Variants in DNAH8 observed in about 807,000 individuals in gnomAD.
The protein encoded by DNAH8 is axonemal beta dynein heavy chain 8.
Under a neutral mutation model 562.1 loss-of-function variants are expected in DNAH8, and 382 were observed. The ratio of observed to expected loss-of-function variants is 0.68; its 90% CI spans 0.63 to 0.74. DNAH8 has a LOEUF of 0.74. Ranked by LOEUF, DNAH8 falls within the 30% of genes least tolerant of loss-of-function variation. DNAH8 has a pLI of 0.00. For missense variants in DNAH8, 5,203 were observed against 5,620.4 expected, an observed-to-expected ratio of 0.93 and a Z score of 2.37; for synonymous variants, 1,881 against 1,919.4, an observed-to-expected ratio of 0.98 and a Z score of 0.52.
At chr6:38,827,868 AG>A (rs1315788886) in intron 29 of DNAH8, among the ~76,000 whole-genome samples, 2 of 147,072 alleles carry the variant, frequency 1.4e-5, no homozygotes, top group African/African-American at 5.0e-5. Context: ...TTCCTTGTAT[AG>A]TCAACCCCTG....
chr6:39,001,792 G>A (rs1765502747), intron 88 of DNAH8, among the ~76,000 whole-genome samples: 1 of 152,152 alleles, frequency 6.6e-6, no homozygotes, highest in Non-Finnish European at 1.5e-5. Context: ...AACTTACCTT[G>A]GAACAGTGGT....
At chr6:38,879,136 T>G (rs1156962123) in intron 53 of DNAH8, among the ~76,000 whole-genome samples, 1 of 152,160 alleles carries the variant, frequency 6.6e-6, no homozygotes, top group Non-Finnish European at 1.5e-5. Context: ...GATGATTTTA[T>G]TGGTGAATTC....
chr6:39,009,264 A>T (rs552608721), intron 89 of DNAH8, among the ~76,000 whole-genome samples: 3 of 151,636 alleles, frequency 2.0e-5, no homozygotes, highest in Admixed American at 2.0e-4. Context: ...ACGGTGACCC[A>T]TTTATATATC....
At position 39,008,830 on chromosome 6, in the gene DNAH8, G is replaced by T. The variant is rs976348584; in HGVS notation, c.13231G>T (p.Ala4411Ser). The change falls in exon 89 of 93, where the codon GCT (alanine) becomes TCT (serine). Residue 4411 changes from alanine to serine, a missense_variant. Ala to Ser is a moderately conservative substitution (Grantham distance 99, BLOSUM62 1). This residue lies in a region of DNAH8 where 1,399 missense variants were observed against 1,518.4 expected (regional missense o/e 0.92). Transcript: ENST00000327475. ...NADITYQSNT[A>S]SAVLETITNI... The stretch of plus-strand genomic sequence containing the variant: ...TTTTACTAGGTATCAGAGTAACACT[G>T]CTTCTGCTGTTCTTGAAACAATTAC... The T allele has an allele frequency of 6.2e-7, 1 of 1,606,546 alleles. No individual in the cohort carries two copies.
At position 39,026,584 on chromosome 6, in the gene DNAH8, C is replaced by A; in HGVS notation, c.13753C>A (p.His4585Asn). ...AATGAGGCAAGAAGTGACCCGTGCC[C>A]ACAAAGGCTGGGCACTGGACACTGT... ...TAMRQEVTRA[H>N]KGWALDTVTI... The change falls in exon 92 of 93, where the codon CAC becomes AAC. Residue 4585 changes from histidine (H) to asparagine (N), a missense_variant. Around this residue, in one of 6 missense-constraint regions of DNAH8, gnomAD observed 1,399 missense variants for 1,518.4 expected, o/e 0.92. Transcript: ENST00000327475. 1 of 1,613,410 alleles carries A rather than the reference C, an allele frequency of 6.2e-7. No individual in the cohort carries two copies. The highest frequency in any genetic ancestry group is 8.5e-7 in the Non-Finnish European group (1 of 1,179,840).
chr6:38,921,643 C>T, intron 71 of DNAH8, 137 bp downstream of exon 71: 1 of 999,308 alleles, frequency 1.0e-6, no homozygotes, highest in Non-Finnish European at 1.4e-6. Context: ...ATCTTTGGTG[C>T]TCAAAATTAT....
At chr6:38,960,516 GA>G (rs1393079405) in intron 82 of DNAH8, among the ~76,000 whole-genome samples, 1 of 151,170 alleles carries the variant, frequency 6.6e-6, no homozygotes, top group East Asian at 1.9e-4. Context: ...AAAGATATAT[GA>G]AAAAGGCTGA....
chr6:38,785,730 G>A (rs1247942438), intron 17 of DNAH8, among the ~76,000 whole-genome samples: 2 of 151,936 alleles, frequency 1.3e-5, no homozygotes, highest in Non-Finnish European at 2.9e-5. Flanking sequence ...AGAACATGCA[G>A]TGCTTGGTTT....
At chr6:38,930,587 G>A (rs1221242485) in intron 75 of DNAH8, among the ~76,000 whole-genome samples, 1 of 152,066 alleles carries the variant, frequency 6.6e-6, no homozygotes, top group South Asian at 2.1e-4. Context: ...TGTTCTGAAG[G>A]TTAGCATCAT....
chr6:38,858,435 A>G (rs1229662816), intron 42 of DNAH8, among the ~76,000 whole-genome samples: 1 of 152,198 alleles, frequency 6.6e-6, no homozygotes, highest in Non-Finnish European at 1.5e-5. Context: ...AAGTTTTACC[A>G]AAAGTTCTGA....
chr6:38,813,573 A>T (rs1771986289), intron 24 of DNAH8, among the ~76,000 whole-genome samples: 1 of 152,220 alleles, frequency 6.6e-6, no homozygotes. Context: ...ACTAATTTGC[A>T]GCTCTGCATG....
intron 47 of DNAH8, 130 bp downstream of exon 47, chr6:38,867,006 A>C: frequency 1.7e-6 from 1 of 593,420 alleles, no homozygotes; most frequent in South Asian, 2.3e-5. Context: ...TTTAGAATTA[A>C]TTTTACCTAT....
rs146253874 is a variant in DNAH8, at chr6:38,846,731, A to G, written c.5045+958A>G. Among the ~76,000 whole-genome samples the G allele has an allele frequency of 8.4e-3, 1,272 of 152,298 alleles. 14 individuals carry two copies. Among genetic ancestry groups the G allele is most frequent in the Middle Eastern group, 0.014 (4 of 294 alleles). On this transcript the variant is annotated intron_variant, in intron 36 of 92. Transcript: ENST00000327475. ...CTATGGTTCATTGCAAATTTTGCCC[A>G]TCTGACTTCCTGGATGATGACCTCT...
At chr6:38,950,335 C>T (rs1014230701) in intron 81 of DNAH8, among the ~76,000 whole-genome samples, 1 of 152,056 alleles carries the variant, frequency 6.6e-6, no homozygotes, top group Non-Finnish European at 1.5e-5. Context: ...ATGTTATACA[C>T]CTAAGTTTCC....
At chr6:38,851,250 G>A (rs572318770) in intron 38 of DNAH8, among the ~76,000 whole-genome samples, 1 of 152,056 alleles carries the variant, frequency 6.6e-6, no homozygotes, top group Non-Finnish European at 1.5e-5. Flanking sequence ...TGTTGGTTTG[G>A]AGATACGGTT....
At position 38,908,081 on chromosome 6, in the gene DNAH8, A is replaced by C. The variant is rs1329213504; in HGVS notation, c.9474A>C (p.Arg3158Ser). Residue 3158 changes from arginine to serine, a missense_variant, in exon 64 of 93, where the codon AGA becomes AGC. Transcript: ENST00000327475. Reference sequence around the variant, plus strand: ...ATTTGTATGAATACTTCATTTCAAGATCAAGGAAGAACTTACATGTTGTTC... The same window carrying C: ...ATTTGTATGAATACTTCATTTCAAGCTCAAGGAAGAACTTACATGTTGTTC... ...FDNLYEYFIS[R>S]SRKNLHVVLC... 1.2e-6 allele frequency: 2 copies of C among 1,601,930 alleles called. No individual in the cohort carries two copies. The highest frequency in any genetic ancestry group is 2.3e-5 in the South Asian group (2 of 88,694).
chr6:38,845,183 G>A (rs1022651300), intron 35 of DNAH8, among the ~76,000 whole-genome samples: 1 of 152,108 alleles, frequency 6.6e-6, no homozygotes, highest in Admixed American at 6.6e-5. Flanking sequence ...ATATCTATAT[G>A]TTACTTGAAA....
intron 30 of DNAH8, among the ~76,000 whole-genome samples, chr6:38,831,693 G>A (rs1001944920): frequency 6.6e-6 from 1 of 152,122 alleles, no homozygotes; most frequent in African/African-American, 2.4e-5. Context: ...TGGGACTTTG[G>A]AGAAGTTACT....
chr6:39,017,275 C>T (rs1387495218), intron 91 of DNAH8, among the ~76,000 whole-genome samples: 10 of 152,110 alleles, frequency 6.6e-5, no homozygotes, highest in Admixed American at 2.0e-4. Context: ...CCCGAAGGTG[C>T]GCCTTTTCAG....
Sources: gnomAD v4.1 joint callset for allele counts (sites outside exome capture counted in the v4.1 genomes callset) on GRCh38, gnomAD v4.1.1 for gene constraint, gnomAD v4.1.1 regional missense constraint, MANE v1.5 for transcripts, NCBI Gene and HGNC (gene_info 2026-07-23, HGNC 2026-07-21) for gene names.